GATC: variants seen among roughly 807,000 people sequenced by gnomAD.
GATC encodes glutamyl-tRNA amidotransferase subunit C.
GATC carries 11 observed loss-of-function variants against 14.4 expected under a neutral mutation model. That is an observed-to-expected ratio of 0.77 (90% confidence interval 0.48 to 1.27). The LOEUF is 1.27. Among genes scored for constraint, GATC ranks in the 50% most tolerant of loss-of-function variants. The probability of loss-of-function intolerance (pLI) is 0.00; values close to 1 mark genes in which losing one functional copy is unlikely to be tolerated. For synonymous variants in GATC, 76 were observed against 79.3 expected, an observed-to-expected ratio of 0.96 and a Z score of 0.22; for missense variants, 204 against 183.0, an observed-to-expected ratio of 1.11 and a Z score of -0.66.
rs1428307312 is a variant in GATC at position 120,460,500 on chromosome 12, T to C, written c.*541T>C. On this transcript the variant is annotated 3_prime_UTR_variant, in exon 4 of 4. Transcript: ENST00000551765. Reference sequence around the variant, plus strand: ...TGAAAGTAGACTAGAGCTTGGGAACTCCTAACCTAGAACTATCTGCCATCC... The same window carrying C: ...TGAAAGTAGACTAGAGCTTGGGAACCCCTAACCTAGAACTATCTGCCATCC... The C allele has an allele frequency of 1.3e-5, 2 of 152,250 alleles. No individual in the cohort carries two copies. Among genetic ancestry groups the C allele is most frequent in the East Asian group, 3.8e-4 (2 of 5,196 alleles). The allele number at this position is 152,250 out of a possible 1,614,324, so 9.4% of individuals were successfully genotyped here. A position where few individuals can be genotyped will look rare whatever the true frequency, so the allele number is the denominator to read the frequency against.
intron 3 of GATC, among the ~76,000 whole-genome samples, chr12:120,457,389 G>A (rs1878214983): frequency 6.6e-6 from 1 of 152,030 alleles, no homozygotes; most frequent in Admixed American, 6.6e-5. Context: ...AGGATTGGGG[G>A]CATGCGGGAG....
At chr12:120,455,293 CGAG>C (rs1565914213) in intron 2 of GATC, among the ~76,000 whole-genome samples, 2 of 152,018 alleles carry the variant, frequency 1.3e-5, no homozygotes. Flanking sequence ...CTCAGCCTCC[CGAG>C]TAGTTGGGAT....
Position 120,446,700 on chromosome 12 carries a change from G to A in GATC, c.125G>A (p.Arg42His). The part of the protein sequence containing the change: ...ITAAVIEHLE[R>H]LALVDFGSRE... ...GCTGCGGTGATCGAGCACCTGGAGC[G>A]TCTAGCGCTTGTGGACTTCGGCAGC... Residue 42 changes from arginine to histidine, a missense_variant, in exon 2 of 4, where the codon CGT becomes CAT. Coordinates refer to ENST00000551765, the MANE Select transcript of GATC (RefSeq NM_176818.3). 6.2e-7 allele frequency: 1 copy of A among 1,613,840 alleles called. No homozygotes were observed. Among genetic ancestry groups the A allele is most frequent in the Non-Finnish European group, 8.5e-7 (1 of 1,179,978 alleles).
At chr12:120,458,214 G>A (rs890468257) in intron 3 of GATC, among the ~76,000 whole-genome samples, 14 of 150,828 alleles carry the variant, frequency 9.3e-5, no homozygotes, top group African/African-American at 1.9e-4. Context: ...TCAGCCTGCC[G>A]AGTAGCTGGG....
At chr12:120,459,652 C>T (rs1025250796) in intron 3 of GATC, among the ~76,000 whole-genome samples, 16 of 152,074 alleles carry the variant, frequency 1.1e-4, no homozygotes, top group Non-Finnish European at 2.2e-4. Context: ...GTCAGGAGAT[C>T]GAGACCATCC....
At chr12:120,457,695 C>G (rs1270140386) in intron 3 of GATC, among the ~76,000 whole-genome samples, 1 of 151,160 alleles carries the variant, frequency 6.6e-6, no homozygotes, top group Non-Finnish European at 1.5e-5. Context: ...CAACCTCCAC[C>G]TCCCGGGTTC....
At chr12:120,458,331 TC>T (rs1395714263) in intron 3 of GATC, among the ~76,000 whole-genome samples, 3 of 152,054 alleles carry the variant, frequency 2.0e-5, no homozygotes, top group African/African-American at 7.2e-5. Context: ...TCTACCCGCC[TC>T]AGCCTCCCAA....
rs1592988376 is a variant in GATC at position 120,459,759 on chromosome 12, G to A, written c.359-148G>A. 4.8e-5 allele frequency: 23 copies of A among 480,944 alleles called. No homozygotes were observed. The East Asian group carries it at 1.0e-3, about 21-fold the overall frequency. The allele number at this position is 480,944 out of a possible 1,614,324, so 29.8% of individuals were successfully genotyped here. On this transcript the variant is annotated intron_variant, in intron 3 of 3. Transcript: ENST00000551765. ...TAGTCCCAGCTACTCTGGAGGCCGAGGCAGGAGAATGGCGTGAACCCCAGG... is the reference window on the plus strand; with the variant it reads ...TAGTCCCAGCTACTCTGGAGGCCGAAGCAGGAGAATGGCGTGAACCCCAGG...
At position 120,461,969 on chromosome 12, in the gene GATC, A is replaced by G. The variant is rs372204543; in HGVS notation, c.*2010A>G. 169 of 1,540,186 alleles carry G rather than the reference A, an allele frequency of 1.1e-4. No homozygotes were observed. The African/African-American group carries it at 2.1e-3, about 19-fold the overall frequency. On this transcript the variant is annotated 3_prime_UTR_variant, in exon 4 of 4. Transcript: ENST00000551765. ...ATCTGGAATGTAGATTCTGAGCACA[A>G]AGCAGCTCAGTTAACCTAAAAAATA...
At chr12:120,459,613 T>C (rs554601859) in intron 3 of GATC, among the ~76,000 whole-genome samples, 14 of 152,198 alleles carry the variant, frequency 9.2e-5, no homozygotes, top group Non-Finnish European at 1.6e-4. Context: ...TCCTAGCACT[T>C]TGGGAGGCCG....
chr12:120,446,760 C>T lies in GATC; in HGVS notation c.185C>T (p.Ala62Val). The change falls in exon 2 of 4, where the codon GCC becomes GTC. Residue 62 changes from alanine to valine, a missense_variant. Coordinates refer to ENST00000551765, the MANE Select transcript of GATC (RefSeq NM_176818.3). ...GTGGCGCGACTGGAGAAAGCTATCGCCTTCGCCGACCGGCTACGCGCCGTG... is the reference window on the plus strand; with the variant it reads ...GTGGCGCGACTGGAGAAAGCTATCGTCTTCGCCGACCGGCTACGCGCCGTG... ...EAVARLEKAI[A>V]FADRLRAVDT... 1 of 1,614,064 alleles carries T rather than the reference C, an allele frequency of 6.2e-7. No individual in the cohort carries two copies. Among genetic ancestry groups the T allele is most frequent in the African/African-American group, 1.3e-5 (1 of 75,054 alleles).
In GATC at chr12:120,446,580, T is replaced by C. The variant is rs768423533; in HGVS notation, c.81+19T>C. ...TCCTCAGGTAAAGGCCAGGGCCATC[T>C]AGGCGGGTGGCGGAGCAAGCCGGGA... is the stretch of plus-strand genomic sequence containing the variant. On this transcript the variant is annotated intron_variant, in intron 1 of 3. Transcript: ENST00000551765. 9.4e-6 allele frequency: 15 copies of C among 1,592,926 alleles called. No individual in the cohort carries two copies. In the South Asian group the frequency reaches 1.6e-4, roughly 17 times the overall value.
At chr12:120,455,852 A>AT (rs1453225951) in intron 2 of GATC, among the ~76,000 whole-genome samples, 6 of 151,858 alleles carry the variant, frequency 4.0e-5, no homozygotes, top group African/African-American at 1.5e-4. Flanking sequence ...CGCCCGGCTA[A>AT]TTTTTTTGTA....
At chr12:120,451,367 C>T (rs1261690359) in intron 2 of GATC, among the ~76,000 whole-genome samples, 1 of 150,914 alleles carries the variant, frequency 6.6e-6, no homozygotes, top group African/African-American at 2.4e-5. Context: ...TCGGTTGAAC[C>T]AGGACGGCAG....
At chr12:120,452,835 T>A (rs1878088291) in intron 2 of GATC, among the ~76,000 whole-genome samples, 1 of 151,830 alleles carries the variant, frequency 6.6e-6, no homozygotes, top group African/African-American at 2.4e-5. Context: ...GCTGAGACTA[T>A]AGGCACACGC....
chr12:120,451,143 CAA>C (rs143607117), intron 2 of GATC, among the ~76,000 whole-genome samples: 5 of 56,478 alleles, frequency 8.9e-5, no homozygotes, highest in Non-Finnish European at 8.8e-5. Context: ...GACTCCATCT[CAA>C]AAAAAAAAAA....
At chr12:120,454,916 C>A in intron 2 of GATC, 1 of 390,462 alleles carries the variant, frequency 2.6e-6, no homozygotes, top group Non-Finnish European at 5.3e-6. Flanking sequence ...GAGACACTGT[C>A]TCACTCTGTC....
intron 2 of GATC, among the ~76,000 whole-genome samples, chr12:120,456,519 G>T (rs1251661493): frequency 6.6e-6 from 1 of 151,050 alleles, no homozygotes; most frequent in South Asian, 2.1e-4. Context: ...CACCCCGGCA[G>T]ACCACACCCC....
At chr12:120,459,199 A>G (rs1878263154) in intron 3 of GATC, among the ~76,000 whole-genome samples, 2 of 151,774 alleles carry the variant, frequency 1.3e-5, no homozygotes, top group Non-Finnish European at 2.9e-5. Flanking sequence ...CCACTAAACC[A>G]CCTGTTAACT....
Sources: gnomAD v4.1 joint callset for allele counts (sites outside exome capture counted in the v4.1 genomes callset) on GRCh38, gnomAD v4.1.1 for gene constraint, MANE v1.5 for transcripts, NCBI Gene and HGNC (gene_info 2026-07-23, HGNC 2026-07-21) for gene names.